The following KIF13B variants were observed in gnomAD, a reference collection of about 807,000 sequenced individuals.
KIF13B encodes the protein kinesin-like protein KIF13B.
KIF13B carries 127 observed loss-of-function variants against 222.0 expected under a neutral mutation model. The observed-to-expected ratio is 0.57, with a 90% CI of 0.50 to 0.66. The LOEUF is 0.66. Ranked by LOEUF, KIF13B falls within the 30% of genes least tolerant of loss-of-function variation. KIF13B has a pLI of 0.00. For synonymous variants in KIF13B, 976 were observed against 919.0 expected, an observed-to-expected ratio of 1.06 and a Z score of -1.12; for missense variants, 2,173 against 2,379.0, an observed-to-expected ratio of 0.91 and a Z score of 1.80.
At chr8:29,102,154 C>T (rs1051018836) in intron 35 of KIF13B, among the ~76,000 whole-genome samples, 4 of 151,632 alleles carry the variant, frequency 2.6e-5, no homozygotes, top group East Asian at 1.9e-4. Flanking sequence ...GGGAGATGAA[C>T]TCAGGACCAT....
chr8:29,123,469 G>A lies in KIF13B; in HGVS notation c.3376C>T (p.Arg1126Cys), dbSNP rs745825145. ...CGCATCTCCAGAAGCTGCGCTTCAC[G>A]GTCAGCATCATCCTCTGTTTTATCT... ...KRDKTEDDAD[R>C]EAQLLEMRLT... Residue 1126 changes from arginine (R) to cysteine (C), a missense_variant, in exon 28 of 40, where the codon CGT (arginine) becomes TGT (cysteine). Arg to Cys is a radical substitution (Grantham distance 180). Coordinates refer to ENST00000524189, the MANE Select transcript of KIF13B (RefSeq NM_015254.4). 2.5e-6 allele frequency: 4 copies of A among 1,613,990 alleles called. No individual in the cohort carries two copies. The highest frequency in any genetic ancestry group is 1.7e-5 in the Admixed American group (1 of 60,030).
Position 29,091,355 on chromosome 8 carries a change from A to G in KIF13B, c.4458+1390T>C, listed in dbSNP as rs371558296. 4.6e-5 allele frequency among the ~76,000 whole-genome samples: 7 copies of G among 152,328 alleles called. No individual in the cohort carries two copies. The East Asian group carries it at 1.2e-3, about 25-fold the overall frequency. ...GAAAATAGCTTTAAAGGAGAATAGT[A>G]ATGATGGCAGGCTGACTCCGTGACT... On this transcript the variant is annotated intron_variant, in intron 37 of 39. Coordinates refer to ENST00000524189, the MANE Select transcript of KIF13B (RefSeq NM_015254.4).
At chr8:29,097,139 C>T (rs559734560) in intron 36 of KIF13B, among the ~76,000 whole-genome samples, 7 of 152,222 alleles carry the variant, frequency 4.6e-5, no homozygotes, top group African/African-American at 9.6e-5. Context: ...AAAGATACAT[C>T]GTGCAAACAG....
intron 2 of KIF13B, among the ~76,000 whole-genome samples, chr8:29,222,356 C>CA (rs1180816079): frequency 1.3e-5 from 2 of 151,596 alleles, no homozygotes; most frequent in African/African-American, 2.4e-5. Context: ...GACCCCGTCT[C>CA]AAAAAAACAA....
chr8:29,158,602 T>C (rs1158972557), intron 13 of KIF13B, among the ~76,000 whole-genome samples: 1 of 152,236 alleles, frequency 6.6e-6, no homozygotes, highest in Admixed American at 6.5e-5. Context: ...AGCATCTAAA[T>C]TGACTTTTGA....
intron 29 of KIF13B, among the ~76,000 whole-genome samples, chr8:29,119,584 T>C (rs537567820): frequency 1.3e-5 from 2 of 152,304 alleles, no homozygotes; most frequent in South Asian, 2.1e-4. Flanking sequence ...TCCCCTCAAA[T>C]GCCCAGACTA....
chr8:29,130,327 C>T (rs1810289188), intron 24 of KIF13B, among the ~76,000 whole-genome samples: 2 of 152,060 alleles, frequency 1.3e-5, no homozygotes, highest in African/African-American at 4.8e-5. Context: ...GCCTGGGCAA[C>T]AAAGCGAGAT....
chr8:29,078,202 G>A (rs913576787), intron 37 of KIF13B, among the ~76,000 whole-genome samples: 2 of 150,956 alleles, frequency 1.3e-5, no homozygotes, highest in African/African-American at 2.4e-5. Context: ...GGCTGAGGCA[G>A]GAGAATTGCT....
chr8:29,188,705 C>T, intron 4 of KIF13B, 98 bp from the exon 5 acceptor site: 1 of 705,748 alleles, frequency 1.4e-6, no homozygotes, highest in Non-Finnish European at 2.3e-6. Context: ...GTATAATCTG[C>T]TTATTTATCT....
intron 36 of KIF13B, among the ~76,000 whole-genome samples, chr8:29,094,970 T>A (rs1452827253): frequency 1.2e-4 from 17 of 137,756 alleles, no homozygotes; most frequent in South Asian, 2.3e-4. Context: ...ATAAAAAGAT[T>A]AAAAAAAAAA....
chr8:29,209,750 T>C (rs1380129049), intron 2 of KIF13B, among the ~76,000 whole-genome samples: 1 of 151,960 alleles, frequency 6.6e-6, no homozygotes, highest in Admixed American at 6.6e-5. Flanking sequence ...AGATAGAGGG[T>C]GATCACTTAA....
At chr8:29,228,684 G>C (rs1815150482) in intron 2 of KIF13B, among the ~76,000 whole-genome samples, 1 of 151,886 alleles carries the variant, frequency 6.6e-6, no homozygotes, top group Non-Finnish European at 1.5e-5. Context: ...TTGTCTGAGA[G>C]CTGTGGCTTC....
At chr8:29,179,454 TCA>T (rs1812619959) in intron 8 of KIF13B, among the ~76,000 whole-genome samples, 1 of 152,202 alleles carries the variant, frequency 6.6e-6, no homozygotes, top group African/African-American at 2.4e-5. Flanking sequence ...CAGTTAGCCG[TCA>T]CAGTTTAAAA....
At position 29,140,135 on chromosome 8, in the gene KIF13B, C is replaced by T. The variant is rs1439544762; in HGVS notation, c.2541G>A (p.Arg847=). Residue 847 remains arginine, a synonymous_variant, in exon 21 of 40, where the codon AGG becomes AGA. Transcript: ENST00000524189. ...VMRLSGDVGE[R]IAGGDEVAEV... ...CTGCCACCTCATCGCCTCCTGCGAT[C>T]CTCTCCCCAACATCACCACTGAGTC... The T allele has an allele frequency of 1.9e-6, 3 of 1,613,662 alleles. No homozygotes were observed. In the South Asian group the frequency reaches 3.3e-5, roughly 18 times the overall value.
chr8:29,247,530 T>C (rs888342565), intron 1 of KIF13B, among the ~76,000 whole-genome samples: 1 of 151,896 alleles, frequency 6.6e-6, no homozygotes, highest in Non-Finnish European at 1.5e-5. Flanking sequence ...TACAACTCAA[T>C]AATAAAAAGA....
At chr8:29,076,438 G>A (rs923278436) in intron 37 of KIF13B, among the ~76,000 whole-genome samples, 8 of 152,220 alleles carry the variant, frequency 5.3e-5, no homozygotes, top group East Asian at 1.9e-4. Context: ...CCAGCCCTCG[G>A]CAGTCCTGGT....
At chr8:29,193,085 T>G (rs972163763) in intron 3 of KIF13B, among the ~76,000 whole-genome samples, 21 of 152,016 alleles carry the variant, frequency 1.4e-4, no homozygotes, top group Non-Finnish European at 2.2e-4. Flanking sequence ...CACCTGCATC[T>G]CTGTGTGAAA....
intron 36 of KIF13B, among the ~76,000 whole-genome samples, chr8:29,096,975 G>A (rs1449689826): frequency 6.6e-6 from 1 of 152,142 alleles, no homozygotes; most frequent in Non-Finnish European, 1.5e-5. Context: ...CAGAATGGGA[G>A]GCAATGGAAG....
At chr8:29,072,346 G>A (rs761567932) in intron 38 of KIF13B, 30 bp from the exon 39 acceptor site, 1 of 1,366,786 alleles carries the variant, frequency 7.3e-7, no homozygotes, top group Non-Finnish European at 9.5e-7. Context: ...CAGGGGCTGA[G>A]AACAGAAAAC....
Sources: gnomAD v4.1 joint callset for allele counts (sites outside exome capture counted in the v4.1 genomes callset) on GRCh38, gnomAD v4.1.1 for gene constraint, MANE v1.5 for transcripts, NCBI Gene and HGNC (gene_info 2026-07-23, HGNC 2026-07-21) for gene names.